NLRP1: variants seen among roughly 807,000 people sequenced by gnomAD.
The protein encoded by NLRP1 is NACHT, LRR and PYD domains-containing protein 1.
In NLRP1, 94 loss-of-function variants were observed where a neutral mutation model predicts 136.7. The observed-to-expected ratio is 0.69, with a 90% CI of 0.58 to 0.82. The LOEUF is 0.82. Ranked by LOEUF, NLRP1 falls within the 40% of genes least tolerant of loss-of-function variation. The probability of loss-of-function intolerance (pLI) is 0.00; values close to 1 mark genes in which losing one functional copy is unlikely to be tolerated. For synonymous variants in NLRP1, 690 were observed against 725.1 expected (o/e 0.95, Z 0.78); for missense variants, 1,575 against 1,802.7 (o/e 0.87, Z 2.29).
intron 12 of NLRP1, among the ~76,000 whole-genome samples, chr17:5,522,432 T>A (rs1174171511): frequency 2.0e-5 from 3 of 152,224 alleles, no homozygotes; most frequent in East Asian, 1.9e-4. Flanking sequence ...GAAGGCTCCA[T>A]GTATGAGGAA....
At chr17:5,545,300 C>T (rs112538396) in intron 5 of NLRP1, among the ~76,000 whole-genome samples, 5 of 151,352 alleles carry the variant, frequency 3.3e-5, no homozygotes, top group African/African-American at 9.7e-5. Context: ...AGAGCGAAAC[C>T]CCAATTCCCC....
At position 5,522,526 on chromosome 17, in the gene NLRP1, T is replaced by C. The variant is rs150631462; in HGVS notation, c.3521-740A>G. Among the ~76,000 whole-genome samples the C allele has an allele frequency of 5.9e-5, 9 of 152,354 alleles. No homozygotes were observed. In the East Asian group the frequency reaches 1.7e-3, roughly 29 times the overall value. ...AGAACTGTGAGAAACAAATTTCTGTTATTTACAAGCTACCTAGTTTATGGT... is the reference window on the plus strand; with the variant it reads ...AGAACTGTGAGAAACAAATTTCTGTCATTTACAAGCTACCTAGTTTATGGT... On this transcript the variant is annotated intron_variant, in intron 12 of 16. Transcript: ENST00000572272.
rs2151802579 is a variant in NLRP1 at position 5,559,239 on chromosome 17, CT to C, written c.1456del (p.Arg486GlyfsTer45). 6.2e-7 allele frequency: 1 copy of C among 1,614,188 alleles called. No homozygotes were observed. Among genetic ancestry groups the C allele is most frequent in the Admixed American group, 1.7e-5 (1 of 60,032 alleles). ...VEVLGFSESSRKEYFYRYFTD... is the reference protein window; with the variant it reads ...VEVLGFSESSXKEYFYRYFTD... ...GAAATATCTGTAGAAATATTCCTTC[CT>C]GCTGGACTCAGAGAACCCCAGGACC... On this transcript the variant is annotated frameshift_variant, in exon 4 of 17. Coordinates refer to ENST00000572272, the MANE Select transcript of NLRP1 (RefSeq NM_033004.4). LOFTEE classifies it high-confidence loss of function.
Position 5,514,614 on chromosome 17 carries a change from G to A in NLRP1, c.*140C>T, listed in dbSNP as rs200355733. The A allele has an allele frequency of 7.4e-5, 109 of 1,471,702 alleles. No homozygotes were observed. Among genetic ancestry groups the A allele is most frequent in the Middle Eastern group, 2.5e-4 (1 of 4,018 alleles). The allele number at this position is 1,471,702 out of a possible 1,614,324, so 91.2% of individuals were successfully genotyped here. ...CCCTGGCATGGACACATAATGCCCAGCAAAGGCATCATCAAAGTTCCATTA... is the reference window on the plus strand; with the variant it reads ...CCCTGGCATGGACACATAATGCCCAACAAAGGCATCATCAAAGTTCCATTA... On this transcript the variant is annotated 3_prime_UTR_variant, in exon 17 of 17. Coordinates refer to ENST00000572272, the MANE Select transcript of NLRP1 (RefSeq NM_033004.4).
At position 5,583,136 on chromosome 17, in the gene NLRP1, G is replaced by A. The variant is rs955652756; in HGVS notation, c.272-290C>T. ...ACTGAGCCTCAGCTGTGCTTTATTG[G>A]GCCAACGGCATCTGCAACCCAGGGT... On this transcript the variant is annotated intron_variant, in intron 1 of 16. Transcript: ENST00000572272. The surrounding 1 kb of genome is among the most constrained non-coding windows in gnomAD (Gnocchi z 4.5). 6.6e-5 allele frequency among the ~76,000 whole-genome samples: 10 copies of A among 152,048 alleles called. No individual in the cohort carries two copies. Among genetic ancestry groups the A allele is most frequent in the African/African-American group, 2.4e-4 (10 of 41,370 alleles).
intron 6 of NLRP1, chr17:5,539,807 A>G: frequency 3.9e-6 from 1 of 253,810 alleles, no homozygotes; most frequent in Non-Finnish European, 6.2e-6. Context: ...CCCTTTCTCA[A>G]TCCTGTGTGA....
chr17:5,535,926 G>C (rs1415340326), intron 8 of NLRP1, among the ~76,000 whole-genome samples: 1 of 152,184 alleles, frequency 6.6e-6, no homozygotes, highest in African/African-American at 2.4e-5. Context: ...TGTGGTGGTG[G>C]TGGTGAGGGT....
chr17:5,507,968 T>C (rs959719099), intron 15 of NLRP1, among the ~76,000 whole-genome samples: 17 of 151,608 alleles, frequency 1.1e-4, no homozygotes, highest in Non-Finnish European at 2.5e-4. Context: ...ACCCCATCTC[T>C]ACTAAAAATA....
In NLRP1 at chr17:5,558,413, G is replaced by A. The variant is rs376255248; in HGVS notation, c.2283C>T (p.Ser761=). 26 of 1,613,978 alleles carry A rather than the reference G, an allele frequency of 1.6e-5. No individual in the cohort carries two copies. In the African/African-American group the frequency reaches 3.1e-4, roughly 19 times the overall value. The part of the protein sequence containing the change: ...LLVCTFCIKF[S]RHVKKLQLIE... The stretch of plus-strand genomic sequence containing the variant: ...TCAGCTGAAGCTTCTTCACGTGGCG[G>A]CTGAATTTAATGCAGAAAGTGCACA... Residue 761 remains serine (S), a synonymous_variant, in exon 4 of 17, where the codon AGC becomes AGT. Coordinates refer to ENST00000572272, the MANE Select transcript of NLRP1 (RefSeq NM_033004.4).
intron 3 of NLRP1, among the ~76,000 whole-genome samples, chr17:5,569,032 A>G (rs1011406831): frequency 6.6e-6 from 1 of 152,186 alleles, no homozygotes; most frequent in African/African-American, 2.4e-5. Context: ...ACTAAGCCTT[A>G]TAAGCGAAGG....
chr17:5,561,133 C>T (rs1191036575), intron 3 of NLRP1, among the ~76,000 whole-genome samples: 1 of 152,122 alleles, frequency 6.6e-6, no homozygotes, highest in Non-Finnish European at 1.5e-5. Flanking sequence ...CTCGGCTCAC[C>T]GCAACCTCCG....
At position 5,541,486 on chromosome 17, in the gene NLRP1, G is replaced by T. The variant is rs761907529; in HGVS notation, c.2699+371C>A. On this transcript the variant is annotated intron_variant, in intron 6 of 16. Coordinates refer to ENST00000572272, the MANE Select transcript of NLRP1 (RefSeq NM_033004.4). This position sits in a 1 kb window ranked among gnomAD's most constrained non-coding sequence, Gnocchi z 4.2. ...AGGACCTGTTACTAGGCAGATCACA[G>T]CTCGTGGGAACAGGAGAAGAATAGA... Among the ~76,000 whole-genome samples the T allele has an allele frequency of 5.3e-5, 8 of 152,204 alleles. No homozygotes were observed. The highest frequency in any genetic ancestry group is 1.0e-4 in the Non-Finnish European group (7 of 68,032).
Position 5,533,963 on chromosome 17 carries a change from C to A in NLRP1, c.2986G>T (p.Glu996Ter), listed in dbSNP as rs1411738827. The A allele has an allele frequency of 6.2e-7, 1 of 1,612,826 alleles. No homozygotes were observed. Among genetic ancestry groups the A allele is most frequent in the Non-Finnish European group, 8.5e-7 (1 of 1,178,966 alleles). Reference sequence around the variant, plus strand: ...CTCATCTCTCCCGTATCCAGGCCCTCAGTAGGGGTCATCACACTTGGTTTC... The same window carrying A: ...CTCATCTCTCCCGTATCCAGGCCCTAAGTAGGGGTCATCACACTTGGTTTC... ...RRKPSVMTPT[E>*]GLDTGEMSNS... The change falls in exon 9 of 17, where the codon GAG becomes TAG. Residue 996 changes from glutamate to a stop codon, truncating the protein, a stop_gained. Coordinates refer to ENST00000572272, the MANE Select transcript of NLRP1 (RefSeq NM_033004.4). LOFTEE classifies it high-confidence loss of function.
intron 15 of NLRP1, chr17:5,501,925 G>C: frequency 1.3e-6 from 2 of 1,519,196 alleles, no homozygotes; most frequent in Non-Finnish European, 1.8e-6. Context: ...CAGTAGATTG[G>C]AGAGGTCCAC....
downstream of NLRP1, among the ~76,000 whole-genome samples, chr17:5,513,879 A>G (rs1907792738): frequency 6.6e-6 from 1 of 152,212 alleles, no homozygotes; most frequent in South Asian, 2.1e-4. Context: ...ATTATATGCT[A>G]ATTTTAATAC....
intron 3 of NLRP1, among the ~76,000 whole-genome samples, chr17:5,571,025 A>G (rs962732468): frequency 2.3e-4 from 35 of 152,346 alleles, no homozygotes; most frequent in African/African-American, 7.7e-4. Context: ...GATCATCTCA[A>G]TAGATGCAGA....
At chr17:5,564,400 T>C (rs1288548339) in intron 3 of NLRP1, among the ~76,000 whole-genome samples, 1 of 152,180 alleles carries the variant, frequency 6.6e-6, no homozygotes, top group Non-Finnish European at 1.5e-5. Flanking sequence ...TCTATGTCCA[T>C]GAGTTCAATT....
downstream of NLRP1, among the ~76,000 whole-genome samples, chr17:5,510,733 GAACTCCTGGTCTCA>G (rs967935683): frequency 3.7e-4 from 56 of 151,994 alleles, no homozygotes; most frequent in Admixed American, 2.6e-3. Flanking sequence ...GGCTGGTCTT[GAACTCCTGGTCTCA>G]AACTCCTGGT....
chr17:5,506,380 G>A (rs1907336813), intron 15 of NLRP1, among the ~76,000 whole-genome samples: 1 of 151,880 alleles, frequency 6.6e-6, no homozygotes, highest in Non-Finnish European at 1.5e-5. Context: ...CACACTAAAT[G>A]GTTAAGAACT....
Sources: allele counts gnomAD v4.1 joint callset (sites outside exome capture counted in the v4.1 genomes callset), GRCh38; gene constraint gnomAD v4.1.1; non-coding constraint Gnocchi (gnomAD v3.1); transcripts MANE v1.5; gene names NCBI Gene and HGNC (gene_info 2026-07-23, HGNC 2026-07-21).